The following ULK4 variants were observed in gnomAD, a reference collection of about 807,000 sequenced individuals.
ULK4 encodes the protein unc-51 like kinase 4.
Under a neutral mutation model 160.6 loss-of-function variants are expected in ULK4, and 133 were observed. That is an observed-to-expected ratio of 0.83 (90% CI 0.72 to 0.96). The LOEUF is 0.96. Among genes scored for constraint, ULK4 ranks in the 40% least tolerant of loss-of-function variants. The pLI is 0.00. For missense variants in ULK4, 1,580 were observed against 1,499.5 expected (o/e 1.05, Z -0.89); for synonymous variants, 534 against 539.8 (o/e 0.99, Z 0.15).
intron 34 of ULK4, among the ~76,000 whole-genome samples, chr3:41,432,846 T>G (rs373329642): frequency 1.3e-5 from 2 of 152,020 alleles, no homozygotes; most frequent in East Asian, 3.9e-4. Context: ...GATGTCTACC[T>G]ATTCCTTACA....
chr3:41,804,322 G>C (rs534411615), intron 19 of ULK4, among the ~76,000 whole-genome samples: 1 of 152,058 alleles, frequency 6.6e-6, no homozygotes, highest in Non-Finnish European at 1.5e-5. Flanking sequence ...CGCCCACTTT[G>C]TGATGGGGTT....
chr3:41,596,549 A>C (rs986500389), intron 31 of ULK4, among the ~76,000 whole-genome samples: 12 of 152,154 alleles, frequency 7.9e-5, no homozygotes, highest in Non-Finnish European at 5.9e-5. Context: ...TGGCTGGGTC[A>C]ATGGTCTGGA....
At chr3:41,696,939 T>C (rs1411855900) in intron 27 of ULK4, among the ~76,000 whole-genome samples, 1 of 152,192 alleles carries the variant, frequency 6.6e-6, no homozygotes, top group Non-Finnish European at 1.5e-5. Flanking sequence ...AGAATCCAGG[T>C]GGCCTCAAGA....
At chr3:41,646,014 C>A (rs1470430089) in intron 30 of ULK4, among the ~76,000 whole-genome samples, 2 of 152,016 alleles carry the variant, frequency 1.3e-5, no homozygotes, top group Non-Finnish European at 2.9e-5. Context: ...AGGATTGCAA[C>A]CCCTGCCTTT....
intron 31 of ULK4, among the ~76,000 whole-genome samples, chr3:41,569,659 T>C (rs2087902044): frequency 1.3e-5 from 2 of 152,162 alleles, no homozygotes; most frequent in Non-Finnish European, 2.9e-5. Context: ...CTTCACAAAA[T>C]TTCCCTGGCC....
At chr3:41,666,134 T>C (rs2035344186) in intron 29 of ULK4, among the ~76,000 whole-genome samples, 1 of 152,204 alleles carries the variant, frequency 6.6e-6, no homozygotes, top group African/African-American at 2.4e-5. Flanking sequence ...CACCTGAGCC[T>C]TGGTGTCCAG....
intron 30 of ULK4, among the ~76,000 whole-genome samples, chr3:41,653,538 G>T (rs1373875172): frequency 6.6e-6 from 1 of 152,148 alleles, no homozygotes; most frequent in Non-Finnish European, 1.5e-5. Context: ...CGACCCAGAT[G>T]ATCTCCAAAG....
Position 41,777,728 on chromosome 3 carries a change from C to T in ULK4, c.2193+11933G>A, listed in dbSNP as rs1302667817. 5.4e-3 allele frequency among the ~76,000 whole-genome samples: 698 copies of T among 129,172 alleles called. 3 individuals are homozygous for T. The highest frequency in any genetic ancestry group is 0.012 in the Middle Eastern group (3 of 250). The allele number at this position is 129,172 out of a possible 152,430, so 84.7% of individuals were successfully genotyped here. ...GTTGTTCAGTTTCCATGTAGTTGAGCGGCTTTGAGTGAGATTCTTAATCCT... is the reference window on the plus strand; with the variant it reads ...GTTGTTCAGTTTCCATGTAGTTGAGTGGCTTTGAGTGAGATTCTTAATCCT... On this transcript the variant is annotated intron_variant, in intron 21 of 36. Coordinates refer to ENST00000301831, the MANE Select transcript of ULK4 (RefSeq NM_017886.4).
chr3:41,282,330 C>T (rs1004653209), intron 35 of ULK4, among the ~76,000 whole-genome samples: 38 of 152,196 alleles, frequency 2.5e-4, no homozygotes, highest in African/African-American at 8.9e-4. Context: ...AAAAAAGAGC[C>T]TGCATTGCCA....
intron 30 of ULK4, among the ~76,000 whole-genome samples, chr3:41,646,598 C>T (rs11707544): frequency 1.4e-3 from 212 of 152,258 alleles, no homozygotes; most frequent in Non-Finnish European, 2.5e-3. Context: ...GTGGGTAACC[C>T]GACCTTTCTC....
At chr3:41,683,771 A>G (rs1382157214) in intron 27 of ULK4, among the ~76,000 whole-genome samples, 2 of 152,006 alleles carry the variant, frequency 1.3e-5, no homozygotes, top group African/African-American at 4.8e-5. Flanking sequence ...AGGCAAAAAC[A>G]GTCATTCAGT....
chr3:41,482,382 G>A (rs1013430397), intron 32 of ULK4, among the ~76,000 whole-genome samples: 1 of 152,200 alleles, frequency 6.6e-6, no homozygotes, highest in Admixed American at 6.5e-5. Context: ...TTCAAGGACA[G>A]GGGAGCCAGA....
At chr3:41,903,782 T>C (rs1307638116) in intron 12 of ULK4, among the ~76,000 whole-genome samples, 1 of 152,150 alleles carries the variant, frequency 6.6e-6, no homozygotes, top group African/African-American at 2.4e-5. Context: ...CAGATCATAA[T>C]CATTAAATGA....
chr3:41,850,670 G>T (rs193006478), intron 17 of ULK4, among the ~76,000 whole-genome samples: 9,039 of 144,662 alleles, frequency 0.062, 883 homozygotes, highest in African/African-American at 0.21. Flanking sequence ...TTTTTTTCTT[G>T]TAAATTTGTT....
chr3:41,807,744 C>T (rs192011862), intron 19 of ULK4, among the ~76,000 whole-genome samples: 293 of 152,246 alleles, frequency 1.9e-3, no homozygotes, highest in Non-Finnish European at 3.0e-3. Flanking sequence ...CCTTCAATTT[C>T]CCAAACTTCA....
At chr3:41,825,435 A>T (rs2041312181) in intron 18 of ULK4, among the ~76,000 whole-genome samples, 1 of 152,240 alleles carries the variant, frequency 6.6e-6, no homozygotes, top group Admixed American at 6.5e-5. Context: ...ACAAATGGCT[A>T]ACCAGAATAA....
At chr3:41,795,413 C>T (rs929696681) in intron 20 of ULK4, among the ~76,000 whole-genome samples, 1 of 152,244 alleles carries the variant, frequency 6.6e-6, no homozygotes, top group Non-Finnish European at 1.5e-5. Context: ...CTAACCTCTG[C>T]CCTCTACTCA....
intron 21 of ULK4, among the ~76,000 whole-genome samples, chr3:41,783,714 A>G (rs2039921305): frequency 6.6e-6 from 1 of 152,158 alleles, no homozygotes; most frequent in Admixed American, 6.5e-5. Context: ...AAAATTTGTC[A>G]CTATACAGTC....
At position 41,715,248 on chromosome 3, in the gene ULK4, C is replaced by T; in HGVS notation, c.2623G>A (p.Gly875Arg). The change falls in exon 25 of 37, where the codon GGA becomes AGA. Residue 875 changes from glycine to arginine, a missense_variant. Coordinates refer to ENST00000301831, the MANE Select transcript of ULK4 (RefSeq NM_017886.4). ...TTCGTGTTACTCACAAGAATAGTTC[C>T]ATAGCTGAAAAGAAACTCTTCTGTC... is the stretch of plus-strand genomic sequence containing the variant. ...VVTEEFLFSYGTILSHIKSVD... is the reference protein window; with the variant it reads ...VVTEEFLFSYRTILSHIKSVD... 1 of 1,613,176 alleles carries T rather than the reference C, an allele frequency of 6.2e-7. No homozygotes were observed. The highest frequency in any genetic ancestry group is 8.5e-7 in the Non-Finnish European group (1 of 1,179,922).
Sources: gnomAD v4.1 joint callset for allele counts (sites outside exome capture counted in the v4.1 genomes callset) on GRCh38, gnomAD v4.1.1 for gene constraint, MANE v1.5 for transcripts, NCBI Gene and HGNC (gene_info 2026-07-23, HGNC 2026-07-21) for gene names.